The following ASCC3 variants were observed in gnomAD, a reference collection of about 807,000 sequenced individuals.
ASCC3 encodes the protein activating signal cointegrator 1 complex subunit 3, also known as ASC-1 complex subunit P200.
A neutral mutation model predicts 256.3 loss-of-function variants in ASCC3; 158 were observed. That is an observed-to-expected ratio of 0.62 (90% CI 0.54 to 0.70). The LOEUF (loss-of-function observed/expected upper bound fraction) is 0.70, where lower values mean the gene tolerates loss of function less well. Ranked by LOEUF, ASCC3 falls within the 30% of genes least tolerant of loss-of-function variation. The pLI is 0.00. For synonymous variants in ASCC3, 948 were observed against 883.4 expected (o/e 1.07, Z -1.30); for missense variants, 2,259 against 2,626.0 (o/e 0.86, Z 3.05).
At chr6:100,533,934 C>A (rs1475746110) in intron 37 of ASCC3, among the ~76,000 whole-genome samples, 1 of 152,154 alleles carries the variant, frequency 6.6e-6, no homozygotes, top group African/African-American at 2.4e-5. Context: ...AACAAATCAC[C>A]TTTAGCAGAG....
chr6:100,581,683 C>T (rs1183497351), intron 36 of ASCC3, among the ~76,000 whole-genome samples: 3 of 152,142 alleles, frequency 2.0e-5, no homozygotes, highest in Non-Finnish European at 2.9e-5. Context: ...AATGGTAATG[C>T]CTAGGTTTTC....
intron 16 of ASCC3, among the ~76,000 whole-genome samples, chr6:100,657,501 A>G (rs1226194496): frequency 6.6e-6 from 1 of 151,530 alleles, no homozygotes; most frequent in Non-Finnish European, 1.5e-5. Context: ...AAATTGTATT[A>G]AACCATAGAC....
chr6:100,530,946 C>A, intron 37 of ASCC3: 1 of 1,426,722 alleles, frequency 7.0e-7, no homozygotes, highest in Non-Finnish European at 9.9e-7. Context: ...ACAGTGATTG[C>A]AAATCACGTG....
intron 2 of ASCC3, among the ~76,000 whole-genome samples, chr6:100,867,601 T>C (rs1410577969): frequency 6.6e-6 from 1 of 152,066 alleles, no homozygotes; most frequent in Non-Finnish European, 1.5e-5. Context: ...CTTACTCAGA[T>C]AATCCAGAGG....
intron 8 of ASCC3, among the ~76,000 whole-genome samples, chr6:100,779,627 T>G (rs1782355483): frequency 6.6e-6 from 1 of 152,280 alleles, no homozygotes; most frequent in East Asian, 1.9e-4. Context: ...CTTTTTAAGT[T>G]TCAGGGGATC....
At chr6:100,593,090 C>T (rs1464755253) in intron 34 of ASCC3, among the ~76,000 whole-genome samples, 2 of 152,098 alleles carry the variant, frequency 1.3e-5, no homozygotes, top group African/African-American at 4.8e-5. Context: ...TGGACTCAAC[C>T]TGCACACAAG....
chr6:100,561,272 A>C (rs1450015720), intron 36 of ASCC3, among the ~76,000 whole-genome samples: 1 of 152,156 alleles, frequency 6.6e-6, no homozygotes, highest in Non-Finnish European at 1.5e-5. Flanking sequence ...CAGGACTTTT[A>C]AAGAGCCTTA....
intron 36 of ASCC3, among the ~76,000 whole-genome samples, chr6:100,561,392 C>T (rs1022713855): frequency 6.6e-5 from 10 of 151,934 alleles, no homozygotes; most frequent in Admixed American, 3.3e-4. Flanking sequence ...TCCATATATA[C>T]GTAGAAACTT....
At chr6:100,676,382 A>C (rs556992520) in intron 14 of ASCC3, among the ~76,000 whole-genome samples, 2 of 152,298 alleles carry the variant, frequency 1.3e-5, no homozygotes, top group South Asian at 4.1e-4. Context: ...TAGATGTCCA[A>C]GGCCACAAAC....
At chr6:100,635,653 C>T (rs1297827052) in intron 25 of ASCC3, among the ~76,000 whole-genome samples, 5 of 152,074 alleles carry the variant, frequency 3.3e-5, no homozygotes, top group African/African-American at 1.2e-4. Context: ...CTGTAGTAAT[C>T]ACTTGACAAT....
chr6:100,758,914 G>A (rs969629501), intron 10 of ASCC3, among the ~76,000 whole-genome samples: 35 of 151,978 alleles, frequency 2.3e-4, no homozygotes, highest in African/African-American at 8.0e-4. Flanking sequence ...TTGTTTCTTG[G>A]TTTTTTAATA....
chr6:100,608,062 ATATATATACATATATATG>A (rs1773004263), intron 30 of ASCC3, among the ~76,000 whole-genome samples: 1 of 32,914 alleles, frequency 3.0e-5, no homozygotes, highest in Non-Finnish European at 7.0e-5. Flanking sequence ...ATATATACAC[ATATATATACATATATATG>A]TATATATATC....
At chr6:100,749,976 C>A (rs1439698633) in intron 10 of ASCC3, among the ~76,000 whole-genome samples, 11 of 151,770 alleles carry the variant, frequency 7.2e-5, no homozygotes, top group Admixed American at 7.2e-4. Flanking sequence ...CAGCTCTCTA[C>A]AATTCCTTTA....
chr6:100,729,040 C>T (rs1456614512), intron 10 of ASCC3, among the ~76,000 whole-genome samples: 2 of 151,984 alleles, frequency 1.3e-5, no homozygotes, highest in African/African-American at 4.8e-5. Flanking sequence ...CAAAGTTTGC[C>T]CATGATATAT....
At chr6:100,717,546 A>G (rs1021012498) in intron 12 of ASCC3, among the ~76,000 whole-genome samples, 1 of 151,968 alleles carries the variant, frequency 6.6e-6, no homozygotes, top group East Asian at 1.9e-4. Flanking sequence ...AATTAGATAA[A>G]CTTTTTAAAG....
intron 10 of ASCC3, among the ~76,000 whole-genome samples, chr6:100,749,540 T>C (rs747318458): frequency 4.6e-5 from 7 of 152,002 alleles, no homozygotes; most frequent in Non-Finnish European, 8.8e-5. Context: ...TTTTTAAAAG[T>C]GCTACAAAGC....
At chr6:100,741,757 G>C (rs1780445856) in intron 10 of ASCC3, among the ~76,000 whole-genome samples, 1 of 152,078 alleles carries the variant, frequency 6.6e-6, no homozygotes, top group Admixed American at 6.5e-5. Flanking sequence ...CTCAAAACTG[G>C]CTATTTTGGC....
rs753776607 is a variant in ASCC3 at position 100,718,117 on chromosome 6, T to C, written c.2037A>G (p.Val679=). Residue 679 remains valine (V), a synonymous_variant, in exon 12 of 42, where the codon GTA becomes GTG. Transcript: ENST00000369162. The stretch of plus-strand genomic sequence containing the variant: ...TCCCCAAAAATGTCTGTCCAAGAGG[T>C]ACTGGTCGAAAACGGCCATCAAAGA... ...LFFFDGRFRP[V]PLGQTFLGIK... The C allele has an allele frequency of 6.2e-7, 1 of 1,613,596 alleles. No homozygotes were observed.
At chr6:100,559,620 C>T (rs559221507) in intron 36 of ASCC3, among the ~76,000 whole-genome samples, 12 of 152,104 alleles carry the variant, frequency 7.9e-5, no homozygotes, top group South Asian at 2.1e-4. Flanking sequence ...GAGGCCAAGG[C>T]GGGAGGATCA....
Sources: allele counts gnomAD v4.1 joint callset (sites outside exome capture counted in the v4.1 genomes callset), GRCh38; gene constraint gnomAD v4.1.1; transcripts MANE v1.5; gene names NCBI Gene and HGNC (gene_info 2026-07-23, HGNC 2026-07-21).